Variants in ABCB5 observed in about 807,000 individuals in gnomAD.
ABCB5 encodes the protein ATP binding cassette subfamily B member 5, also known as ATP-binding cassette sub-family B member 5.
A neutral mutation model predicts 144.2 loss-of-function variants in ABCB5; 155 were observed. The ratio of observed to expected loss-of-function variants is 1.08; its 90% CI spans 0.94 to 1.23. ABCB5 has a LOEUF of 1.23. Among genes scored for constraint, ABCB5 ranks in the 50% most tolerant of loss-of-function variants. The probability of loss-of-function intolerance (pLI) is 0.00; values close to 1 mark genes in which losing one functional copy is unlikely to be tolerated. For synonymous variants in ABCB5, 610 were observed against 528.6 expected, an observed-to-expected ratio of 1.15 and a Z score of -2.11; for missense variants, 1,830 against 1,520.8, an observed-to-expected ratio of 1.20 and a Z score of -3.38.
intron 5 of ABCB5, chr7:20,641,919 G>C (rs1372149320): frequency 1.3e-5 from 2 of 152,250 alleles, no homozygotes; most frequent in African/African-American, 4.8e-5. Context: ...TTCTTGTTCA[G>C]GGCGTCCATT....
chr7:20,658,370 T>C (rs1339016065), intron 13 of ABCB5, 136 bp from the exon 14 acceptor site: 3 of 636,848 alleles, frequency 4.7e-6, no homozygotes, highest in Non-Finnish European at 7.2e-6. Flanking sequence ...AAAGAACAAA[T>C]CAAAAGACAT....
At chr7:20,719,778 C>G (rs576542667) in intron 20 of ABCB5, among the ~76,000 whole-genome samples, 150 of 152,248 alleles carry the variant, frequency 9.9e-4, no homozygotes, top group African/African-American at 3.6e-3. Context: ...CAATGGGAGC[C>G]AGTTTTCTCC....
At chr7:20,675,110 C>G (rs1045504898) in intron 14 of ABCB5, among the ~76,000 whole-genome samples, 1 of 151,806 alleles carries the variant, frequency 6.6e-6, no homozygotes, top group Admixed American at 6.6e-5. Context: ...TGATCAAAAT[C>G]CCAATGGCAT....
Position 20,704,808 on chromosome 7 carries a change from G to C in ABCB5, c.2421+1G>C. On this transcript the variant is annotated splice_donor_variant, in intron 20 of 27. Coordinates refer to ENST00000404938, the MANE Select transcript of ABCB5 (RefSeq NM_001163941.2). LOFTEE classifies it high-confidence loss of function. ...CATAGATATAGCACAAATTCAAGGA[G>C]TATGTATATTGTTTTTATTGTAAAT... 1.2e-6 allele frequency: 2 copies of C among 1,608,762 alleles called. No homozygotes were observed. The highest frequency in any genetic ancestry group is 1.3e-5 in the African/African-American group (1 of 74,910).
At chr7:20,620,538 C>G (rs913393387) in intron 1 of ABCB5, among the ~76,000 whole-genome samples, 4 of 151,092 alleles carry the variant, frequency 2.6e-5, no homozygotes, top group Admixed American at 2.6e-4. Flanking sequence ...ACACCTACAA[C>G]TTACTATAAA....
At chr7:20,619,231 G>A (rs1040135249) in intron 1 of ABCB5, among the ~76,000 whole-genome samples, 2 of 152,172 alleles carry the variant, frequency 1.3e-5, no homozygotes, top group African/African-American at 4.8e-5. Context: ...TTGAATGGTA[G>A]TTCTGTTTTA....
chr7:20,677,535 C>G (rs1785655361), intron 14 of ABCB5, among the ~76,000 whole-genome samples: 1 of 152,132 alleles, frequency 6.6e-6, no homozygotes, highest in Non-Finnish European at 1.5e-5. Flanking sequence ...TCAAGAACAG[C>G]TTGGCCAACA....
chr7:20,695,149 T>A (rs913533364), intron 16 of ABCB5, among the ~76,000 whole-genome samples: 2 of 151,938 alleles, frequency 1.3e-5, no homozygotes, highest in African/African-American at 4.8e-5. Flanking sequence ...TATATAAAGC[T>A]AATTACTAAT....
At chr7:20,738,251 T>G (rs1485492156) in intron 23 of ABCB5, among the ~76,000 whole-genome samples, 2 of 152,212 alleles carry the variant, frequency 1.3e-5, no homozygotes, top group Non-Finnish European at 2.9e-5. Flanking sequence ...CTTTCATATC[T>G]AAAATGAAAT....
At chr7:20,733,641 CTT>C (rs869097054) in intron 23 of ABCB5, among the ~76,000 whole-genome samples, 22 of 127,574 alleles carry the variant, frequency 1.7e-4, no homozygotes, top group Admixed American at 5.5e-4. Flanking sequence ...CTTTTCTTTT[CTT>C]TTTTTTTTTT....
In ABCB5 at chr7:20,698,521, T is replaced by C; in HGVS notation, c.2125T>C (p.Phe709Leu). Residue 709 changes from phenylalanine to leucine, a missense_variant, in exon 17 of 28, where the codon TTT becomes CTT. Coordinates refer to ENST00000404938, the MANE Select transcript of ABCB5 (RefSeq NM_001163941.2). ...SVLNGTVHPVFSIIFAKIITM... is the reference protein window; with the variant it reads ...SVLNGTVHPVLSIIFAKIITM... ...TCTAAATGGAACTGTTCATCCAGTA[T>C]TTTCCATCATCTTTGCAAAAATTAT... The C allele has an allele frequency of 6.3e-7, 1 of 1,594,596 alleles. No homozygotes were observed. The highest frequency in any genetic ancestry group is 8.5e-7 in the Non-Finnish European group (1 of 1,174,438).
At chr7:20,619,212 A>G (rs1457416003) in intron 1 of ABCB5, among the ~76,000 whole-genome samples, 1 of 152,068 alleles carries the variant, frequency 6.6e-6, no homozygotes, top group East Asian at 1.9e-4. Context: ...TTCCTTTGGA[A>G]TTGTTGGGTT....
chr7:20,685,367 A>G (rs1785961347), intron 15 of ABCB5, among the ~76,000 whole-genome samples: 1 of 152,210 alleles, frequency 6.6e-6, no homozygotes, highest in South Asian at 2.1e-4. Flanking sequence ...AGGCGTCAGA[A>G]ACAGTATCTT....
chr7:20,664,784 T>C (rs1005067719), intron 14 of ABCB5, among the ~76,000 whole-genome samples: 14 of 152,212 alleles, frequency 9.2e-5, no homozygotes, highest in African/African-American at 3.1e-4. Context: ...ACTTAAATGA[T>C]TAGCTTGTTA....
Position 20,650,018 on chromosome 7 carries a change from A to G in ABCB5, c.1207-4A>G, listed in dbSNP as rs377667826. The G allele has an allele frequency of 1.1e-5, 18 of 1,609,880 alleles. No individual in the cohort carries two copies. The highest frequency in any genetic ancestry group is 1.4e-5 in the Non-Finnish European group (17 of 1,177,846). ...TATGATTTTCCCTCCATACATTCCA[A>G]TAGATTCTGAAAGGTCTGAATCTCA... On this transcript the variant is annotated splice_polypyrimidine_tract_variant and splice_region_variant and intron_variant, in intron 11 of 27. Transcript: ENST00000404938.
intron 2 of ABCB5, 39 bp from the exon 3 acceptor site, chr7:20,626,518 C>A (rs761103435): frequency 6.4e-7 from 1 of 1,564,186 alleles, no homozygotes; most frequent in South Asian, 1.2e-5. Flanking sequence ...AAATTATATT[C>A]ACATTGTAAC....
At chr7:20,619,043 G>A (rs188667062) in intron 1 of ABCB5, among the ~76,000 whole-genome samples, 1 of 151,954 alleles carries the variant, frequency 6.6e-6, no homozygotes, top group Non-Finnish European at 1.5e-5. Context: ...CCAAACTGCT[G>A]GGATTACAGG....
chr7:20,650,728 G>A lies in ABCB5; in HGVS notation c.1332+581G>A, dbSNP rs1170270405. Reference sequence around the variant, plus strand: ...TTAAAAGAAAATCTACTCCCCTAGAGCCTGGCTTTATTTAAATTTTACTTC... The same window carrying A: ...TTAAAAGAAAATCTACTCCCCTAGAACCTGGCTTTATTTAAATTTTACTTC... On this transcript the variant is annotated intron_variant, in intron 12 of 27. Transcript: ENST00000404938. Among the ~76,000 whole-genome samples, 3 of 152,128 alleles carry A rather than the reference G, an allele frequency of 2.0e-5. No individual in the cohort carries two copies. In the East Asian group the frequency reaches 5.8e-4, roughly 29 times the overall value.
Position 20,756,756 on chromosome 7 carries a change from G to T in ABCB5, c.*1132G>T, listed in dbSNP as rs1169812507. ...ATATACTTTATCATATATAATGTGT[G>T]AATGATTTTAAAGTTCTGTGTAAAT... On this transcript the variant is annotated 3_prime_UTR_variant, in exon 28 of 28. Coordinates refer to ENST00000404938, the MANE Select transcript of ABCB5 (RefSeq NM_001163941.2). 6.6e-6 allele frequency: 1 copy of T among 152,076 alleles called. No homozygotes were observed. The highest frequency in any genetic ancestry group is 2.4e-5 in the African/African-American group (1 of 41,402). The allele number at this position is 152,076 out of a possible 1,614,324, so 9.4% of individuals were successfully genotyped here.
Sources: allele counts gnomAD v4.1 joint callset (sites outside exome capture counted in the v4.1 genomes callset), GRCh38; gene constraint gnomAD v4.1.1; transcripts MANE v1.5; gene names NCBI Gene and HGNC (gene_info 2026-07-23, HGNC 2026-07-21).